The following COL9A1 variants were observed in gnomAD, a reference collection of about 807,000 sequenced individuals.
COL9A1 encodes collagen alpha-1(IX) chain.
COL9A1 carries 104 observed loss-of-function variants against 142.6 expected under a neutral mutation model. The observed-to-expected ratio is 0.73, with a 90% CI of 0.62 to 0.86. The LOEUF (loss-of-function observed/expected upper bound fraction) is 0.86. Ranked by LOEUF, COL9A1 falls within the 40% of genes least tolerant of loss-of-function variation. The probability of loss-of-function intolerance (pLI) is 0.00; values close to 1 mark genes in which losing one functional copy is unlikely to be tolerated. For missense variants in COL9A1, 1,210 were observed against 1,176.6 expected, an observed-to-expected ratio of 1.03 and a Z score of -0.42; for synonymous variants, 466 against 396.0, an observed-to-expected ratio of 1.18 and a Z score of -2.10.
chr6:70,273,899 T>A, intron 12 of COL9A1, 148 bp downstream of exon 12: 1 of 350,608 alleles, frequency 2.9e-6, no homozygotes, highest in Non-Finnish European at 4.9e-6. Context: ...TCATGTATAT[T>A]ATGCAGAAAA....
At chr6:70,249,179 A>T in intron 28 of COL9A1, among the ~76,000 whole-genome samples, 1 of 151,624 alleles carries the variant, frequency 6.6e-6, no homozygotes, top group East Asian at 1.9e-4. Context: ...AAATCCACTG[A>T]AGATTTTTAA....
intron 4 of COL9A1, among the ~76,000 whole-genome samples, chr6:70,298,940 A>T (rs1047837943): frequency 2.0e-5 from 3 of 152,260 alleles, no homozygotes; most frequent in Middle Eastern, 3.4e-3. Flanking sequence ...TCTGCCTGGG[A>T]TTCAGTCCTT....
Position 70,253,265 on chromosome 6 carries a change from T to C in COL9A1, c.1764+120A>G, listed in dbSNP as rs1174832774. On this transcript the variant is annotated intron_variant, in intron 26 of 37. Coordinates refer to ENST00000357250, the MANE Select transcript of COL9A1 (RefSeq NM_001851.6). ...AAGCCTTAACACATTTACCTTTTTATTTCTCCCTAGGGCCAAATATAAAAT... is the reference window on the plus strand; with the variant it reads ...AAGCCTTAACACATTTACCTTTTTACTTCTCCCTAGGGCCAAATATAAAAT... The C allele has an allele frequency of 8.6e-6, 6 of 694,648 alleles. No homozygotes were observed. In the Admixed American group the frequency reaches 1.0e-4, roughly 12 times the overall value. The allele number at this position is 694,648 out of a possible 1,614,324, so 43.0% of individuals were successfully genotyped here.
At position 70,224,188 on chromosome 6, in the gene COL9A1, G is replaced by T. The variant is rs142716126; in HGVS notation, c.2581+1744C>A. 4.3e-3 allele frequency among the ~76,000 whole-genome samples: 651 copies of T among 152,304 alleles called. 7 individuals are homozygous for T. Among genetic ancestry groups the T allele is most frequent in the African/African-American group, 0.013 (536 of 41,560 alleles). ...GATCCTAGGGAGGGCTGCAAATGATGATCTTGTCCTGCCTCACAATTTACT... is the reference window on the plus strand; with the variant it reads ...GATCCTAGGGAGGGCTGCAAATGATTATCTTGTCCTGCCTCACAATTTACT... On this transcript the variant is annotated intron_variant, in intron 37 of 37. Transcript: ENST00000357250.
At chr6:70,258,506 T>C (rs997575003) in intron 20 of COL9A1, 1 of 152,118 alleles carries the variant, frequency 6.6e-6, no homozygotes, top group Admixed American at 6.5e-5. Context: ...AATTCTTTGA[T>C]CCCTAAAAAG....
intron 37 of COL9A1, among the ~76,000 whole-genome samples, chr6:70,218,355 T>C (rs1768659118): frequency 6.6e-6 from 1 of 152,224 alleles, no homozygotes; most frequent in Non-Finnish European, 1.5e-5. Context: ...CTTCCTTTTG[T>C]CGTGTTTAAG....
intron 19 of COL9A1, among the ~76,000 whole-genome samples, chr6:70,262,181 A>G (rs1369652371): frequency 6.6e-6 from 1 of 151,946 alleles, no homozygotes; most frequent in Non-Finnish European, 1.5e-5. Context: ...AAAAAAGCAT[A>G]TGTCTCTTAC....
chr6:70,265,137 A>T (rs1243188722), intron 18 of COL9A1, among the ~76,000 whole-genome samples: 2 of 152,152 alleles, frequency 1.3e-5, no homozygotes, highest in African/African-American at 2.4e-5. Flanking sequence ...TGCCAAAAAA[A>T]ATTGTAGGTT....
chr6:70,269,513 G>A lies in COL9A1; in HGVS notation c.1230+120C>T, dbSNP rs1033514156. 4.1e-6 allele frequency: 3 copies of A among 740,484 alleles called. No homozygotes were observed. The Admixed American group carries it at 6.1e-5, about 15-fold the overall frequency. The allele number at this position is 740,484 out of a possible 1,614,324, so 45.9% of individuals were successfully genotyped here. ...AGCGTTACAGACTGCTCTGCCATTT[G>A]AGTGAAAGGAAAACACAGACACATA... On this transcript the variant is annotated intron_variant, in intron 16 of 37. Coordinates refer to ENST00000357250, the MANE Select transcript of COL9A1 (RefSeq NM_001851.6).
At chr6:70,256,868 T>C (rs748442890) in intron 20 of COL9A1, 47 bp from the exon 21 acceptor site, 2 of 1,568,386 alleles carry the variant, frequency 1.3e-6, no homozygotes, top group Admixed American at 1.7e-5. Flanking sequence ...CAGTCATGTA[T>C]GTTAAAGGAA....
In COL9A1 at chr6:70,294,287, A is replaced by G; in HGVS notation, c.576T>C (p.Ala192=). 6.2e-7 allele frequency: 1 copy of G among 1,614,104 alleles called. No individual in the cohort carries two copies. Among genetic ancestry groups the G allele is most frequent in the South Asian group, 1.1e-5 (1 of 91,086 alleles). The part of the protein sequence containing the change: ...KIMIGVERSS[A]TLFVDCNRIE... The stretch of plus-strand genomic sequence containing the variant: ...TCCTGTTGCAGTCAACAAAAAGAGT[A>G]GCACTACTCCTCTCCACGCCAATCA... The change falls in exon 5 of 38, where the codon GCT becomes GCC. Residue 192 remains alanine, a synonymous_variant. Transcript: ENST00000357250.
In COL9A1 at chr6:70,280,825, G is replaced by T; in HGVS notation, c.962C>A (p.Thr321Lys). The change falls in exon 10 of 38, where the codon ACA (threonine) becomes AAA (lysine). Residue 321 changes from threonine to lysine, a missense_variant. Transcript: ENST00000357250. ...GKPGAPGKPG[T>K]PGADGLTGPD... Reference sequence around the variant, plus strand: ...TCGCCTACTCACATCAGCGCCAGGTGTGCCAGGCTTGCCTGGAGCTCCTGG... The same window carrying T: ...TCGCCTACTCACATCAGCGCCAGGTTTGCCAGGCTTGCCTGGAGCTCCTGG... 1.9e-6 allele frequency: 3 copies of T among 1,612,994 alleles called. No homozygotes were observed. The highest frequency in any genetic ancestry group is 2.5e-6 in the Non-Finnish European group (3 of 1,179,730).
intron 36 of COL9A1, among the ~76,000 whole-genome samples, chr6:70,228,423 G>T (rs139845897): frequency 6.6e-6 from 1 of 152,036 alleles, no homozygotes; most frequent in Non-Finnish European, 1.5e-5. Context: ...CCATTATTCC[G>T]GTAGTACAGT....
intron 28 of COL9A1, among the ~76,000 whole-genome samples, chr6:70,243,154 C>G (rs1770372159): frequency 6.6e-6 from 1 of 152,164 alleles, no homozygotes; most frequent in African/African-American, 2.4e-5. Flanking sequence ...TAAACCTCAA[C>G]AGAGTGAAAA....
intron 16 of COL9A1, among the ~76,000 whole-genome samples, 188 bp downstream of exon 16, chr6:70,269,445 T>C (rs1772251628): frequency 6.6e-6 from 1 of 152,236 alleles, no homozygotes; most frequent in Non-Finnish European, 1.5e-5. Flanking sequence ...ACATCTATAA[T>C]GAAAAATTAT....
Position 70,281,454 on chromosome 6 carries a change from G to C in COL9A1, c.812C>G (p.Pro271Arg), listed in dbSNP as rs1385358043. The change falls in exon 8 of 38, where the codon CCG (proline) becomes CGG (arginine). Residue 271 changes from proline (P) to arginine (R), a missense_variant. Transcript: ENST00000357250. Reference protein sequence around the residue: ...PSQTTDERGPPGEQGPPGPPG... With the variant: ...PSQTTDERGPRGEQGPPGPPG... ...AGGCCCGGGAGGACCCTGCTCACCC[G>C]GGGGACCTCTCTGGCAAAAATAGCA... The C allele has an allele frequency of 1.2e-6, 2 of 1,611,574 alleles. No homozygotes were observed. The highest frequency in any genetic ancestry group is 1.7e-6 in the Non-Finnish European group (2 of 1,179,194).
intron 28 of COL9A1, among the ~76,000 whole-genome samples, chr6:70,251,008 T>C (rs770333156): frequency 2.6e-5 from 4 of 152,180 alleles, no homozygotes; most frequent in Admixed American, 6.5e-5. Flanking sequence ...TTAAAACACA[T>C]GTCCACACAA....
At chr6:70,225,289 G>A (rs1441337827) in intron 37 of COL9A1, among the ~76,000 whole-genome samples, 1 of 152,156 alleles carries the variant, frequency 6.6e-6, no homozygotes, top group African/African-American at 2.4e-5. Flanking sequence ...GTTCCAGCCT[G>A]GACTCTGGTG....
intron 36 of COL9A1, among the ~76,000 whole-genome samples, chr6:70,226,537 G>C (rs967634873): frequency 6.6e-6 from 1 of 151,798 alleles, no homozygotes; most frequent in Non-Finnish European, 1.5e-5. Context: ...TCAACTAGCA[G>C]GGTACAAAAT....
Sources: allele counts gnomAD v4.1 joint callset (sites outside exome capture counted in the v4.1 genomes callset), GRCh38; gene constraint gnomAD v4.1.1; transcripts MANE v1.5; gene names NCBI Gene and HGNC (gene_info 2026-07-23, HGNC 2026-07-21).